The following TNFSF4 variants were observed in gnomAD, a reference collection of about 807,000 sequenced individuals.
TNFSF4 encodes the protein tumor necrosis factor ligand superfamily member 4.
In TNFSF4, 4 loss-of-function variants were observed where a neutral mutation model predicts 7.3. The observed-to-expected ratio is 0.55, with a 90% CI of 0.27 to 1.25. TNFSF4 has a LOEUF of 1.25. Ranked by LOEUF, TNFSF4 falls within the 50% of genes most tolerant of loss-of-function variation. The pLI is 0.12. For missense variants in TNFSF4, 181 were observed against 208.8 expected (o/e 0.87, Z 0.82); for synonymous variants, 76 against 83.7 (o/e 0.91, Z 0.50).
At chr1:173,388,624 C>T in the TNFSF4 span, among the ~76,000 whole-genome samples, 1 of 152,180 alleles carries the variant, frequency 6.6e-6, no homozygotes, top group Non-Finnish European at 1.5e-5. Context: ...CATGAGGATC[C>T]AGCTGTCTCT....
chr1:173,198,482 T>G (rs1195545856), intron 1 of TNFSF4, among the ~76,000 whole-genome samples: 1 of 152,204 alleles, frequency 6.6e-6, no homozygotes, highest in Non-Finnish European at 1.5e-5. Context: ...TTTCCCCAAG[T>G]GGCTCCCTCC....
chr1:173,430,024 C>G, the TNFSF4 span, among the ~76,000 whole-genome samples: 9 of 152,320 alleles, frequency 5.9e-5, no homozygotes, highest in South Asian at 1.7e-3. Flanking sequence ...GTCCTCAAGA[C>G]AGAGTGTGTA....
chr1:173,405,561 T>A, the TNFSF4 span, among the ~76,000 whole-genome samples: 1 of 152,196 alleles, frequency 6.6e-6, no homozygotes, highest in East Asian at 1.9e-4. Context: ...TTTAAGTATA[T>A]GAAACATTTC....
At chr1:173,433,223 T>C in the TNFSF4 span, among the ~76,000 whole-genome samples, 1 of 152,188 alleles carries the variant, frequency 6.6e-6, no homozygotes, top group Non-Finnish European at 1.5e-5. Context: ...CGCTGCCCTT[T>C]TAGGCCATCT....
At chr1:173,426,192 G>A in the TNFSF4 span, among the ~76,000 whole-genome samples, 1 of 152,160 alleles carries the variant, frequency 6.6e-6, no homozygotes. Flanking sequence ...GAGATTATAG[G>A]GAGTGGGGCT....
the TNFSF4 span, among the ~76,000 whole-genome samples, chr1:173,289,571 T>G: frequency 3.9e-5 from 6 of 152,128 alleles, no homozygotes; most frequent in East Asian, 9.7e-4. Flanking sequence ...ATGTGACCCA[T>G]AGCCAGCAGG....
chr1:173,362,239 C>CT, the TNFSF4 span, among the ~76,000 whole-genome samples: 2 of 152,050 alleles, frequency 1.3e-5, no homozygotes, highest in African/African-American at 4.8e-5. Context: ...TAAGTGTTTT[C>CT]TTTTTTAAAA....
At chr1:173,340,869 G>A in the TNFSF4 span, among the ~76,000 whole-genome samples, 1 of 152,070 alleles carries the variant, frequency 6.6e-6, no homozygotes, top group Non-Finnish European at 1.5e-5. Context: ...ATATGGTTTG[G>A]CTGTGTCTTC....
chr1:173,320,628 AG>A, the TNFSF4 span, among the ~76,000 whole-genome samples: 1 of 152,246 alleles, frequency 6.6e-6, no homozygotes, highest in African/African-American at 2.4e-5. Flanking sequence ...ACTTCAGCAA[AG>A]TCTCAGGATA....
chr1:173,313,559 A>G, the TNFSF4 span, among the ~76,000 whole-genome samples: 1 of 152,122 alleles, frequency 6.6e-6, no homozygotes. Context: ...TCTCCAAAAA[A>G]GTACAAGACA....
chr1:173,448,572 AT>A, the TNFSF4 span, among the ~76,000 whole-genome samples: 1 of 152,136 alleles, frequency 6.6e-6, no homozygotes, highest in African/African-American at 2.4e-5. Flanking sequence ...GTAAAGGAAA[AT>A]TACAGTCAAA....
the TNFSF4 span, among the ~76,000 whole-genome samples, chr1:173,267,877 AGAG>A: frequency 1.4e-5 from 2 of 140,454 alleles, no homozygotes; most frequent in East Asian, 4.4e-4. Flanking sequence ...AGATGAGAGG[AGAG>A]GAGAGGAGAG....
chr1:173,195,063 C>T (rs1334534437), intron 1 of TNFSF4, among the ~76,000 whole-genome samples: 1 of 151,912 alleles, frequency 6.6e-6, no homozygotes, highest in Non-Finnish European at 1.5e-5. Context: ...AGAACTTGGT[C>T]GGGAATAAAT....
chr1:173,368,407 G>T, the TNFSF4 span, among the ~76,000 whole-genome samples: 6 of 152,110 alleles, frequency 3.9e-5, no homozygotes, highest in East Asian at 1.2e-3. Flanking sequence ...GGGCTCCTCC[G>T]GAATATTGCC....
At chr1:173,203,648 T>C (rs1650044870) in intron 1 of TNFSF4, among the ~76,000 whole-genome samples, 1 of 152,098 alleles carries the variant, frequency 6.6e-6, no homozygotes, top group African/African-American at 2.4e-5. Flanking sequence ...ACTGGTCAAC[T>C]CACTTTCTAA....
chr1:173,396,325 C>T, the TNFSF4 span, among the ~76,000 whole-genome samples: 7,993 of 152,194 alleles, frequency 0.053, 692 homozygotes, highest in African/African-American at 0.18. Context: ...GGCTGGGCAA[C>T]AAAGTGAGAC....
chr1:173,381,029 C>T, the TNFSF4 span, among the ~76,000 whole-genome samples: 65 of 152,270 alleles, frequency 4.3e-4, 1 homozygote, highest in East Asian at 0.011. Flanking sequence ...AGTCTGTCAG[C>T]GCAAAGCCAT....
At chr1:173,372,809 A>C in the TNFSF4 span, among the ~76,000 whole-genome samples, 1 of 152,212 alleles carries the variant, frequency 6.6e-6, no homozygotes, top group African/African-American at 2.4e-5. Context: ...AGGATGGGGA[A>C]CCAATCAAGC....
At chr1:173,203,515 A>G (rs1055817783) in intron 1 of TNFSF4, among the ~76,000 whole-genome samples, 3 of 152,208 alleles carry the variant, frequency 2.0e-5, no homozygotes, top group African/African-American at 7.2e-5. Context: ...CTAATCTGAA[A>G]CAATATTTTT....
Sources: gnomAD v4.1 joint callset for allele counts (sites outside exome capture counted in the v4.1 genomes callset) on GRCh38, gnomAD v4.1.1 for gene constraint, MANE v1.5 for transcripts, NCBI Gene and HGNC (gene_info 2026-07-23, HGNC 2026-07-21) for gene names.